Variants in ABCB4 observed in about 807,000 individuals in gnomAD.
ABCB4 encodes the protein ATP binding cassette subfamily B member 4.
A neutral mutation model predicts 145.7 loss-of-function variants in ABCB4; 76 were observed. The ratio of observed to expected loss-of-function variants is 0.52; its 90% CI spans 0.43 to 0.63. ABCB4 has a LOEUF of 0.63. Ranked by LOEUF, ABCB4 falls within the 30% of genes least tolerant of loss-of-function variation. The pLI is 0.00. For missense variants in ABCB4, 1,234 were observed against 1,553.1 expected, an observed-to-expected ratio of 0.79 and a Z score of 3.45; for synonymous variants, 517 against 566.8, an observed-to-expected ratio of 0.91 and a Z score of 1.25.
At chr7:87,382,682 C>A in the ABCB4 span, 1 of 781,294 alleles carries the variant, frequency 1.3e-6, no homozygotes, top group Non-Finnish European at 2.0e-6. Flanking sequence ...GTACTTCCAT[C>A]AATAGAGTAT....
chr7:87,443,283 C>T (rs778378295), intron 12 of ABCB4, 36 bp downstream of exon 12: 4 of 1,613,338 alleles, frequency 2.5e-6, no homozygotes, highest in Non-Finnish European at 3.4e-6. Context: ...TTGTATCCAG[C>T]TTCCCACTCT....
chr7:87,377,563 T>A, the ABCB4 span: 2 of 632,224 alleles, frequency 3.2e-6, no homozygotes, highest in East Asian at 5.7e-5. Flanking sequence ...TTTAGTTTTA[T>A]GGCACTGTGG....
intron 17 of ABCB4, 38 bp from the exon 18 acceptor site, chr7:87,422,263 T>C (rs1562961636): frequency 2.1e-6 from 3 of 1,454,616 alleles, no homozygotes; most frequent in Middle Eastern, 1.7e-4. Context: ...TTGGATTACA[T>C]AACTGATCCT....
At chr7:87,445,306 A>G (rs1279338783) in intron 9 of ABCB4, among the ~76,000 whole-genome samples, 1 of 152,188 alleles carries the variant, frequency 6.6e-6, no homozygotes, top group Non-Finnish European at 1.5e-5. Context: ...TTCTCTAACT[A>G]TGCATGGAAT....
chr7:87,407,141 T>G (rs1466185007), intron 25 of ABCB4, among the ~76,000 whole-genome samples: 1 of 152,124 alleles, frequency 6.6e-6, no homozygotes, highest in East Asian at 1.9e-4. Flanking sequence ...CCTAGGGAAG[T>G]GTTGTAATAT....
the ABCB4 span, among the ~76,000 whole-genome samples, chr7:87,394,084 A>G: frequency 3.9e-5 from 6 of 152,340 alleles, no homozygotes; most frequent in African/African-American, 1.4e-4. Context: ...CAGACTTTAT[A>G]TGGTGCCATT....
intron 8 of ABCB4, among the ~76,000 whole-genome samples, chr7:87,449,339 T>G (rs1054148510): frequency 2.0e-5 from 3 of 152,098 alleles, no homozygotes; most frequent in African/African-American, 7.2e-5. Flanking sequence ...AGGAGTAAAA[T>G]AAAATAAAAA....
the ABCB4 span, chr7:87,392,795 C>T: frequency 6.2e-7 from 1 of 1,613,550 alleles, no homozygotes; most frequent in African/African-American, 1.3e-5. Flanking sequence ...TGTTCCAGAA[C>T]TCTTTACGGA....
In ABCB4 at chr7:87,465,209, C is replaced by T. The variant is rs192189371; in HGVS notation, c.136-2301G>A. ...GCGCTTTTCCAATGGTCTTAGCAAA[C>T]GGCACATCAGGAGATTACATCCCAC... is the stretch of plus-strand genomic sequence containing the variant. On this transcript the variant is annotated intron_variant, in intron 3 of 27. Transcript: ENST00000649586. 3.4e-3 allele frequency among the ~76,000 whole-genome samples: 511 copies of T among 152,330 alleles called. 3 individuals carry two copies. Among genetic ancestry groups the T allele is most frequent in the African/African-American group, 0.011 (472 of 41,568 alleles).
the ABCB4 span, among the ~76,000 whole-genome samples, chr7:87,391,368 T>C: frequency 6.6e-6 from 1 of 152,182 alleles, no homozygotes; most frequent in Non-Finnish European, 1.5e-5. Flanking sequence ...CTGTAATGTA[T>C]ATGACCTGAC....
chr7:87,460,793 G>T (rs762446689), intron 4 of ABCB4, among the ~76,000 whole-genome samples: 2 of 151,924 alleles, frequency 1.3e-5, no homozygotes, highest in Admixed American at 1.3e-4. Flanking sequence ...TGGTGATTTC[G>T]TATTTTTTAT....
At chr7:87,398,500 T>A (rs913110374), downstream of ABCB4, 1 of 1,612,352 alleles carries the variant, frequency 6.2e-7, no homozygotes, top group Non-Finnish European at 8.5e-7. Flanking sequence ...TGTGTAATCA[T>A]TAATCATTAT....
At chr7:87,417,562 G>A (rs750064427) in intron 20 of ABCB4, 47 bp from the exon 21 acceptor site, 10 of 1,495,480 alleles carry the variant, frequency 6.7e-6, no homozygotes, top group Non-Finnish European at 8.4e-6. Flanking sequence ...AGCTCCAAAT[G>A]CATGCGCTCC....
chr7:87,428,963 G>GA (rs1365312802), intron 15 of ABCB4, among the ~76,000 whole-genome samples: 1 of 151,910 alleles, frequency 6.6e-6, no homozygotes, highest in East Asian at 1.9e-4. Context: ...TTTATAATCA[G>GA]AAAAAAATTA....
intron 20 of ABCB4, among the ~76,000 whole-genome samples, chr7:87,417,767 C>T (rs1435875621): frequency 1.3e-5 from 2 of 152,224 alleles, no homozygotes; most frequent in African/African-American, 2.4e-5. Context: ...ATCAACTTCT[C>T]TGCTTTGTGG....
At chr7:87,434,370 A>G (rs1007709167) in intron 14 of ABCB4, among the ~76,000 whole-genome samples, 1 of 152,122 alleles carries the variant, frequency 6.6e-6, no homozygotes, top group African/African-American at 2.4e-5. Flanking sequence ...TCTTTCTTCA[A>G]GATCTTATAT....
At position 87,446,443 on chromosome 7, in the gene ABCB4, T is replaced by C. The variant is rs73705208; in HGVS notation, c.1005+591A>G. On this transcript the variant is annotated intron_variant, in intron 9 of 27. Transcript: ENST00000649586. Reference sequence around the variant, plus strand: ...TATATATAGAAAATGACCTGGAAGATATATGCCAAAAATTATCATCAAGAG... The same window carrying C: ...TATATATAGAAAATGACCTGGAAGACATATGCCAAAAATTATCATCAAGAG... 3.0e-3 allele frequency among the ~76,000 whole-genome samples: 464 copies of C among 152,290 alleles called. 2 individuals are homozygous for C. The highest frequency in any genetic ancestry group is 0.01 in the African/African-American group (434 of 41,576).
At chr7:87,457,889 C>CA (rs1268610263) in intron 4 of ABCB4, among the ~76,000 whole-genome samples, 1 of 151,448 alleles carries the variant, frequency 6.6e-6, no homozygotes. Context: ...CCCAAGACTT[C>CA]TTTTTTTTTC....
At chr7:87,442,473 C>T (rs1811053444) in intron 12 of ABCB4, among the ~76,000 whole-genome samples, 3 of 152,094 alleles carry the variant, frequency 2.0e-5, no homozygotes, top group Admixed American at 2.0e-4. Context: ...ACTCAATGCT[C>T]TAAAATTGGG....
Sources: gnomAD v4.1 joint callset for allele counts (sites outside exome capture counted in the v4.1 genomes callset) on GRCh38, gnomAD v4.1.1 for gene constraint, MANE v1.5 for transcripts, NCBI Gene and HGNC (gene_info 2026-07-23, HGNC 2026-07-21) for gene names.